AHCYL1: variants seen among roughly 807,000 people sequenced by gnomAD.
The protein encoded by AHCYL1 is S-adenosylhomocysteine hydrolase-like protein 1.
A neutral mutation model predicts 79.3 loss-of-function variants in AHCYL1; 20 were observed. The observed-to-expected ratio is 0.25, with a 90% CI of 0.18 to 0.37. The LOEUF (loss-of-function observed/expected upper bound fraction) is 0.37, where lower values mean the gene tolerates loss of function less well. AHCYL1 is among the 10% of genes least tolerant of loss of function. The probability of loss-of-function intolerance (pLI) is 1.00; values close to 1 mark genes in which losing one functional copy is unlikely to be tolerated. For synonymous variants in AHCYL1, 223 were observed against 242.2 expected (o/e 0.92, Z 0.74); for missense variants, 330 against 673.6 (o/e 0.49, Z 5.65).
intron 11 of AHCYL1, 94 bp downstream of exon 11, chr1:110,018,110 A>T (rs1408588820): frequency 7.5e-7 from 1 of 1,328,120 alleles, no homozygotes; most frequent in African/African-American, 1.5e-5. Context: ...ACCTCTGTTC[A>T]GTATAAAGGT....
intron 1 of AHCYL1, chr1:110,001,003 A>C: frequency 1.0e-6 from 1 of 970,302 alleles, no homozygotes; most frequent in African/African-American, 1.8e-5. Flanking sequence ...GTGGGATTTC[A>C]AACTTCCTGT....
At position 110,021,987 on chromosome 1, in the gene AHCYL1, T is replaced by C. The variant is rs565846972; in HGVS notation, c.*307T>C. 9.4e-4 allele frequency: 298 copies of C among 316,480 alleles called. 1 individual carries two copies. The highest frequency in any genetic ancestry group is 4.4e-3 in the African/African-American group (204 of 45,996). 19.6% of individuals were successfully genotyped at this position (316,480 alleles called of 1,614,324 possible). A position where few individuals can be genotyped will look rare whatever the true frequency, so the allele number is the denominator to read the frequency against. On this transcript the variant is annotated 3_prime_UTR_variant, in exon 17 of 17. Transcript: ENST00000369799. Reference sequence around the variant, plus strand: ...ACTTTAGTCTTAATTAGGTACCTTATTAACAGGAAATGCTAAGGTACCTTC... The same window carrying C: ...ACTTTAGTCTTAATTAGGTACCTTACTAACAGGAAATGCTAAGGTACCTTC...
chr1:109,999,877 C>T (rs1159845206), intron 1 of AHCYL1, among the ~76,000 whole-genome samples: 1 of 152,108 alleles, frequency 6.6e-6, no homozygotes, highest in Non-Finnish European at 1.5e-5. Context: ...AGCCACTGCA[C>T]CTGGCCAAAT....
Position 110,021,744 on chromosome 1 carries a change from T to G in AHCYL1, c.*64T>G. 6.6e-7 allele frequency: 1 copy of G among 1,522,346 alleles called. No individual in the cohort carries two copies. The highest frequency in any genetic ancestry group is 1.2e-5 in the South Asian group (1 of 83,916). The allele number at this position is 1,522,346 out of a possible 1,614,324, so 94.3% of individuals were successfully genotyped here. On this transcript the variant is annotated 3_prime_UTR_variant, in exon 17 of 17. Transcript: ENST00000369799. ...CACTCTAAAGAAATATTTTTTAAGA[T>G]AACTTTTATTTTCTTCTTACTCCTT...
At chr1:110,019,327 C>A in intron 14 of AHCYL1, among the ~76,000 whole-genome samples, 1 of 152,096 alleles carries the variant, frequency 6.6e-6, no homozygotes, top group East Asian at 1.9e-4. Flanking sequence ...ATATAATGTT[C>A]CAGCTTAGTT....
At chr1:109,998,487 T>C (rs1047315300) in intron 1 of AHCYL1, among the ~76,000 whole-genome samples, 5 of 152,166 alleles carry the variant, frequency 3.3e-5, no homozygotes, top group Admixed American at 1.3e-4. Context: ...TAAAAATTAT[T>C]ATTTTTTTGA....
intron 1 of AHCYL1, among the ~76,000 whole-genome samples, chr1:110,006,233 A>T (rs1174893275): frequency 6.6e-6 from 1 of 152,222 alleles, no homozygotes; most frequent in Non-Finnish European, 1.5e-5. Context: ...TTACTCAAGC[A>T]TAACATCATT....
chr1:110,019,166 T>G, intron 14 of AHCYL1, 47 bp downstream of exon 14: 4 of 1,559,720 alleles, frequency 2.6e-6, no homozygotes, highest in Non-Finnish European at 3.5e-6. Flanking sequence ...TTTGTGGAAC[T>G]GGGCGTAGAT....
At chr1:109,997,838 C>G (rs1038597668) in intron 1 of AHCYL1, among the ~76,000 whole-genome samples, 2 of 152,170 alleles carry the variant, frequency 1.3e-5, no homozygotes, top group Non-Finnish European at 2.9e-5. Flanking sequence ...AGGTCAAGAC[C>G]TCTTTACTTT....
At chr1:110,002,730 G>A (rs1650384715) in intron 1 of AHCYL1, among the ~76,000 whole-genome samples, 1 of 152,156 alleles carries the variant, frequency 6.6e-6, no homozygotes, top group Non-Finnish European at 1.5e-5. Context: ...GAAGAGATCT[G>A]ATGTTCTCAC....
chr1:110,021,952 A>G lies in AHCYL1; in HGVS notation c.*272A>G. The G allele has an allele frequency of 4.9e-6, 2 of 408,970 alleles. No individual in the cohort carries two copies. Among genetic ancestry groups the G allele is most frequent in the Admixed American group, 4.4e-5 (1 of 22,716 alleles). 25.3% of individuals were successfully genotyped at this position (408,970 alleles called of 1,614,324 possible). A position where few individuals can be genotyped will look rare whatever the true frequency, so the allele number is the denominator to read the frequency against. ...CCAGAAAGGTGATTCTTTCTTTACC[A>G]TTTCTGGGGACTTTAGTCTTAATTA... On this transcript the variant is annotated 3_prime_UTR_variant, in exon 17 of 17. Transcript: ENST00000369799.
chr1:110,005,992 A>G (rs1490407021), intron 1 of AHCYL1, among the ~76,000 whole-genome samples: 1 of 151,708 alleles, frequency 6.6e-6, no homozygotes, highest in African/African-American at 2.4e-5. Context: ...AAGAAAGTCA[A>G]CCATTGTACC....
In AHCYL1 at chr1:109,984,900, A is replaced by C; in HGVS notation, c.-153A>C. On this transcript the variant is annotated 5_prime_UTR_variant, in exon 1 of 17. Transcript: ENST00000369799. ...CTGCCGAACAGACAAGGCGTGGGCCACAGCACCTCAGAAGCCGACGCAGCT... is the reference window on the plus strand; with the variant it reads ...CTGCCGAACAGACAAGGCGTGGGCCCCAGCACCTCAGAAGCCGACGCAGCT... The C allele has an allele frequency of 8.3e-7, 1 of 1,209,628 alleles. No homozygotes were observed. The allele number at this position is 1,209,628 out of a possible 1,614,324, so 74.9% of individuals were successfully genotyped here.
chr1:110,018,087 C>G, intron 11 of AHCYL1, 71 bp downstream of exon 11: 1 of 1,494,106 alleles, frequency 6.7e-7, no homozygotes, highest in Non-Finnish European at 9.3e-7. Context: ...GACTTTCATA[C>G]AAAGGAGGTG....
chr1:109,998,373 C>T (rs1398023855), intron 1 of AHCYL1, among the ~76,000 whole-genome samples: 2 of 152,092 alleles, frequency 1.3e-5, no homozygotes, highest in East Asian at 3.9e-4. Flanking sequence ...GTAATGCTAG[C>T]ACTTTGGGAG....
intron 15 of AHCYL1, 110 bp from the exon 16 acceptor site, chr1:110,020,621 T>A (rs1001788269): frequency 7.3e-7 from 1 of 1,367,574 alleles, no homozygotes; most frequent in African/African-American, 1.5e-5. Context: ...TTCAGAGTTA[T>A]TCCATCCCTT....
At chr1:109,993,221 TAG>T (rs1649859712) in intron 1 of AHCYL1, among the ~76,000 whole-genome samples, 2 of 152,196 alleles carry the variant, frequency 1.3e-5, no homozygotes, top group African/African-American at 4.8e-5. Context: ...GTGTTTGAAA[TAG>T]TAGCTCACAT....
intron 3 of AHCYL1, among the ~76,000 whole-genome samples, chr1:110,011,734 AG>A (rs1405033752): frequency 6.6e-6 from 1 of 152,234 alleles, no homozygotes; most frequent in Non-Finnish European, 1.5e-5. Flanking sequence ...GCAGCTGATG[AG>A]GAAGGGTTTT....
At chr1:110,018,141 T>C (rs1651541220) in intron 11 of AHCYL1, 125 bp downstream of exon 11, 2 of 1,123,880 alleles carry the variant, frequency 1.8e-6, no homozygotes, top group African/African-American at 1.6e-5. Flanking sequence ...GAATAAGCTA[T>C]CAGAACCTTA....
Sources: allele counts gnomAD v4.1 joint callset (sites outside exome capture counted in the v4.1 genomes callset), GRCh38; gene constraint gnomAD v4.1.1; transcripts MANE v1.5; gene names NCBI Gene and HGNC (gene_info 2026-07-23, HGNC 2026-07-21).